The following SEC22B variants were observed in gnomAD, a reference collection of about 807,000 sequenced individuals.
SEC22B encodes the protein SEC22 homolog B, vesicle trafficking protein.
SEC22B carries 10 observed loss-of-function variants against 31.4 expected under a neutral mutation model. The ratio of observed to expected loss-of-function variants is 0.32; its 90% CI spans 0.20 to 0.54. SEC22B has a LOEUF of 0.54. Among genes scored for constraint, SEC22B ranks in the 20% least tolerant of loss-of-function variants. SEC22B has a pLI of 0.94. For synonymous variants in SEC22B, 60 were observed against 95.9 expected, an observed-to-expected ratio of 0.63 and a Z score of 2.19; for missense variants, 130 against 263.4, an observed-to-expected ratio of 0.49 and a Z score of 3.50.
In SEC22B at chr1:120,154,594, GA is replaced by G. The variant is rs1433679711; in HGVS notation, c.*2443del. On this transcript the variant is annotated 3_prime_UTR_variant, in exon 5 of 5. Coordinates refer to ENST00000578049, the MANE Select transcript of SEC22B (RefSeq NM_004892.6). Reference sequence around the variant, plus strand: ...TTTTATGCCAATATTATGATCACTTGAAACTATAAATCTGATGCCATCCTTG... The same window carrying G: ...TTTTATGCCAATATTATGATCACTTGAACTATAAATCTGATGCCATCCTTG... The G allele has an allele frequency of 8.2e-6, 1 of 121,504 alleles. No homozygotes were observed. The highest frequency in any genetic ancestry group is 1.7e-5 in the Non-Finnish European group (1 of 58,234). The allele number at this position is 121,504 out of a possible 1,614,324, so 7.5% of individuals were successfully genotyped here. A position where few individuals can be genotyped will look rare whatever the true frequency, so the allele number is the denominator to read the frequency against.
rs1553229598 is a variant in SEC22B, at chr1:120,163,945, C to CTTTTCTT, written c.186-576_186-575insAAGAAAA. Among the ~76,000 whole-genome samples, 155 of 68,962 alleles carry CTTTTCTT rather than the reference C, an allele frequency of 2.2e-3. 1 individual carries two copies. Among genetic ancestry groups the CTTTTCTT allele is most frequent in the African/African-American group, 9.5e-3 (147 of 15,438 alleles). 45.2% of individuals were successfully genotyped at this position (68,962 alleles called of 152,430 possible). The stretch of plus-strand genomic sequence containing the variant: ...TATAATTTTTCATCCATTAGATTCT[C>CTTTTCTT]TTTTTTTTTTTTTTTTTTTTTTTTG... On this transcript the variant is annotated intron_variant, in intron 2 of 4. Transcript: ENST00000578049.
At chr1:120,166,396 T>TACACACACACACACACACACAC (rs1268229455) in intron 2 of SEC22B, among the ~76,000 whole-genome samples, 1 of 143,564 alleles carries the variant, frequency 7.0e-6, no homozygotes, top group Admixed American at 6.9e-5. Flanking sequence ...AAGTGTTTTT[T>TACACACACACACACACACACAC]ACACACACAC....
chr1:120,162,988 T>A (rs1657743505), intron 3 of SEC22B, among the ~76,000 whole-genome samples: 3 of 152,088 alleles, frequency 2.0e-5, no homozygotes, highest in Non-Finnish European at 4.4e-5. Context: ...AAGGCAACAA[T>A]TTCTATGGGG....
intron 2 of SEC22B, among the ~76,000 whole-genome samples, chr1:120,164,103 A>G (rs1464684421): frequency 1.3e-5 from 2 of 148,888 alleles, no homozygotes; most frequent in African/African-American, 5.0e-5. Context: ...GGGATTACAG[A>G]CACCCACCAC....
intron 2 of SEC22B, among the ~76,000 whole-genome samples, chr1:120,163,834 T>C (rs1256937108): frequency 6.6e-6 from 1 of 150,664 alleles, no homozygotes; most frequent in Non-Finnish European, 1.5e-5. Flanking sequence ...CGCCTCAGCC[T>C]CCCAAAGTGC....
Position 120,164,314 on chromosome 1 carries a change from A to G in SEC22B, c.186-944T>C, listed in dbSNP as rs1424879561. Among the ~76,000 whole-genome samples the G allele has an allele frequency of 2.1e-5, 3 of 145,318 alleles. No homozygotes were observed. The South Asian group carries it at 6.8e-4, about 33-fold the overall frequency. ...AACTTTTATTTTAGCTTGAGGATGT[A>G]TATGTGCGGGTTTGTTACCTGGGTA... On this transcript the variant is annotated intron_variant, in intron 2 of 4. Transcript: ENST00000578049.
In SEC22B at chr1:120,176,491, G is replaced by A. The variant is rs1246635837; in HGVS notation, c.-110C>T. The A allele has an allele frequency of 7.3e-6, 7 of 956,736 alleles. No individual in the cohort carries two copies. The highest frequency in any genetic ancestry group is 1.1e-5 in the Non-Finnish European group (7 of 627,220). 59.3% of individuals were successfully genotyped at this position (956,736 alleles called of 1,614,324 possible). A position where few individuals can be genotyped will look rare whatever the true frequency, so the allele number is the denominator to read the frequency against. On this transcript the variant is annotated 5_prime_UTR_variant, in exon 1 of 5. Coordinates refer to ENST00000578049, the MANE Select transcript of SEC22B (RefSeq NM_004892.6). ...CTATGTCTCAGTTACCGGAGATCCA[G>A]CTGCTTGCGTCTCCGCTTCCCGCTG...
In SEC22B at chr1:120,176,365, A is replaced by T; in HGVS notation, c.17T>A (p.Met6Lys). 2 of 1,613,778 alleles carry T rather than the reference A, an allele frequency of 1.2e-6. No homozygotes were observed. Among genetic ancestry groups the T allele is most frequent in the South Asian group, 1.1e-5 (1 of 91,060 alleles). The change falls in exon 1 of 5, where the codon ATG (methionine) becomes AAG (lysine). Residue 6 changes from methionine (M) to lysine (K), a missense_variant. By Grantham distance (95) the Met-to-Lys change is moderately conservative (BLOSUM62 -1). Coordinates refer to ENST00000578049, the MANE Select transcript of SEC22B (RefSeq NM_004892.6). Reference protein sequence around the residue: MVLLTMIARVADGLPL... With the variant: MVLLTKIARVADGLPL... ...GAGCCCGTCCGCCACTCGGGCGATC[A>T]TTGTTAGCAACACCATCTTCACAAA... is the stretch of plus-strand genomic sequence containing the variant.
intron 2 of SEC22B, among the ~76,000 whole-genome samples, chr1:120,164,801 T>C (rs1341986508): frequency 6.6e-6 from 1 of 152,100 alleles, no homozygotes; most frequent in Non-Finnish European, 1.5e-5. Context: ...CTGGGTCTAA[T>C]GGTAGTTCTG....
At chr1:120,162,669 C>T (rs1434666926) in intron 3 of SEC22B, among the ~76,000 whole-genome samples, 1 of 152,166 alleles carries the variant, frequency 6.6e-6, no homozygotes, top group Non-Finnish European at 1.5e-5. Flanking sequence ...AATACAGACA[C>T]CTATGCTCAC....
In SEC22B at chr1:120,172,755, T is replaced by C. The variant is rs1386009278; in HGVS notation, c.75+3552A>G. 5.8e-4 allele frequency among the ~76,000 whole-genome samples: 41 copies of C among 70,830 alleles called. 1 individual carries two copies. The highest frequency in any genetic ancestry group is 1.3e-3 in the South Asian group (2 of 1,552). 46.5% of individuals were successfully genotyped at this position (70,830 alleles called of 152,430 possible). On this transcript the variant is annotated intron_variant, in intron 1 of 4. Coordinates refer to ENST00000578049, the MANE Select transcript of SEC22B (RefSeq NM_004892.6). ...ATTTAGATATCCTCATTGTGTTTTC[T>C]ACTTCATCTAGAAAAGATTAATGAA...
intron 1 of SEC22B, among the ~76,000 whole-genome samples, chr1:120,174,187 C>T (rs1657925109): frequency 6.6e-6 from 1 of 152,072 alleles, no homozygotes; most frequent in Non-Finnish European, 1.5e-5. Flanking sequence ...CCTCTCTAAG[C>T]CTCAGAGCTT....
chr1:120,176,215 A>G, intron 1 of SEC22B, 92 bp downstream of exon 1: 4 of 1,265,524 alleles, frequency 3.2e-6, no homozygotes, highest in Non-Finnish European at 4.4e-6. Context: ...GGGAAGTCAC[A>G]AAGGTCTCCC....
In SEC22B at chr1:120,155,825, G is replaced by T. The variant is rs1330656072; in HGVS notation, c.*1213C>A. 3 of 151,804 alleles carry T rather than the reference G, an allele frequency of 2.0e-5. No homozygotes were observed. The highest frequency in any genetic ancestry group is 7.3e-5 in the African/African-American group (3 of 41,340). The allele number at this position is 151,804 out of a possible 1,614,324, so 9.4% of individuals were successfully genotyped here. A position where few individuals can be genotyped will look rare whatever the true frequency, so the allele number is the denominator to read the frequency against. On this transcript the variant is annotated 3_prime_UTR_variant, in exon 5 of 5. Transcript: ENST00000578049. ...ATCTCCATCATCCCTGAGCAGAAAA[G>T]GAAAAAATCATGGGTACTTTAATTA...
chr1:120,165,156 C>A (rs1657786931), intron 2 of SEC22B, among the ~76,000 whole-genome samples: 1 of 152,034 alleles, frequency 6.6e-6, no homozygotes, highest in African/African-American at 2.4e-5. Flanking sequence ...TGACTCCATC[C>A]ACCCTTTGAT....
intron 4 of SEC22B, among the ~76,000 whole-genome samples, chr1:120,160,000 T>C (rs1657687113): frequency 7.0e-6 from 1 of 143,062 alleles, no homozygotes; most frequent in Non-Finnish European, 1.5e-5. Context: ...TTGATGAAAA[T>C]GGCATTTTAT....
chr1:120,175,487 CTCAGCTTTGTCT>C (rs1657943598), intron 1 of SEC22B, among the ~76,000 whole-genome samples: 1 of 151,016 alleles, frequency 6.6e-6, no homozygotes, highest in Non-Finnish European at 1.5e-5. Flanking sequence ...AAATTCCATT[CTCAGCTTTGTCT>C]TCAGAACCTC....
intron 2 of SEC22B, among the ~76,000 whole-genome samples, chr1:120,168,352 CTT>C (rs1173116593): frequency 4.6e-5 from 7 of 151,634 alleles, no homozygotes; most frequent in Admixed American, 3.3e-4. Context: ...TTATAATTTT[CTT>C]TTTTCAAAAT....
chr1:120,162,002 A>G (rs1338297891), intron 3 of SEC22B, among the ~76,000 whole-genome samples: 1 of 140,038 alleles, frequency 7.1e-6, no homozygotes, highest in Admixed American at 6.8e-5. Flanking sequence ...GAGAACAGAC[A>G]GTGAGTGATG....
Sources: gnomAD v4.1 joint callset for allele counts (sites outside exome capture counted in the v4.1 genomes callset) on GRCh38, gnomAD v4.1.1 for gene constraint, MANE v1.5 for transcripts, NCBI Gene and HGNC (gene_info 2026-07-23, HGNC 2026-07-21) for gene names.